Variants in BIN3 observed in about 807,000 individuals in gnomAD.
The protein encoded by BIN3 is bridging integrator 3.
Under a neutral mutation model 38.2 loss-of-function variants are expected in BIN3, and 41 were observed. That is an observed-to-expected ratio of 1.07 (90% CI 0.84 to 1.39). BIN3 has a LOEUF of 1.39. BIN3 is among the 40% of genes most tolerant of loss of function. BIN3 has a pLI of 0.00. For missense variants in BIN3, 361 were observed against 324.3 expected (o/e 1.11, Z -0.87); for synonymous variants, 145 against 122.6 (o/e 1.18, Z -1.21).
chr8:22,636,460 G>A, intron 4 of BIN3, 65 bp downstream of exon 4: 1 of 1,493,932 alleles, frequency 6.7e-7, no homozygotes, highest in Non-Finnish European at 9.1e-7. Context: ...GGGGGGCTGA[G>A]AGAGGAGGGT....
chr8:22,667,265 C>A (rs1438288313), intron 1 of BIN3, among the ~76,000 whole-genome samples: 1 of 152,120 alleles, frequency 6.6e-6, no homozygotes, highest in African/African-American at 2.4e-5. Context: ...TTCTCTCCAA[C>A]CTGACAGGAT....
rs765995916 is a variant in BIN3 at position 22,621,572 on chromosome 8, G to A, written c.616-4C>T. The A allele has an allele frequency of 1.2e-6, 2 of 1,613,374 alleles. No homozygotes were observed. Among genetic ancestry groups the A allele is most frequent in the South Asian group, 2.2e-5 (2 of 91,080 alleles). ...GCATTTCCGAGTAGTACACAACCTG[G>A]GGGAGGCGACAGGGGTTGGCACGTG... On this transcript the variant is annotated splice_region_variant and splice_polypyrimidine_tract_variant and intron_variant, in intron 8 of 8. Coordinates refer to ENST00000276416, the MANE Select transcript of BIN3 (RefSeq NM_018688.6).
At chr8:22,623,362 C>G (rs1336107240) in intron 8 of BIN3, among the ~76,000 whole-genome samples, 1 of 152,210 alleles carries the variant, frequency 6.6e-6, no homozygotes, top group Non-Finnish European at 1.5e-5. Context: ...AGTGGCGCCC[C>G]CATGCCTCCA....
intron 6 of BIN3, chr8:22,625,551 C>T (rs947238468): frequency 1.6e-6 from 1 of 623,572 alleles, no homozygotes; most frequent in South Asian, 1.8e-5. Flanking sequence ...AGCTACCACA[C>T]AGAGCAGGAC....
chr8:22,630,622 G>T (rs1364119092), intron 4 of BIN3, 44 bp from the exon 5 acceptor site: 1 of 1,608,766 alleles, frequency 6.2e-7, no homozygotes, highest in South Asian at 1.1e-5. Context: ...GAAGGGGCAG[G>T]TTTCACGGCC....
At chr8:22,668,229 T>C (rs1458328602) in intron 1 of BIN3, among the ~76,000 whole-genome samples, 2 of 152,222 alleles carry the variant, frequency 1.3e-5, no homozygotes, top group Non-Finnish European at 2.9e-5. Flanking sequence ...TTCTCTCCTG[T>C]GAACATAAAT....
chr8:22,636,641 G>T, intron 3 of BIN3, 55 bp from the exon 4 acceptor site: 1 of 1,521,294 alleles, frequency 6.6e-7, no homozygotes, highest in Non-Finnish European at 8.9e-7. Flanking sequence ...CTACCTGAGC[G>T]AAGCCCAGGT....
chr8:22,645,419 C>A (rs1322473296), intron 1 of BIN3, among the ~76,000 whole-genome samples: 1 of 152,008 alleles, frequency 6.6e-6, no homozygotes. Flanking sequence ...GAGTTTGAGG[C>A]TGCAGTGAAT....
chr8:22,634,777 AG>A (rs1802316723), intron 4 of BIN3, among the ~76,000 whole-genome samples: 1 of 151,994 alleles, frequency 6.6e-6, no homozygotes. Context: ...GTCACCTTCT[AG>A]TTTGGTGGCG....
chr8:22,641,969 G>A lies in BIN3; in HGVS notation c.57+2786C>T, dbSNP rs150921464. Among the ~76,000 whole-genome samples, 23 of 152,216 alleles carry A rather than the reference G, an allele frequency of 1.5e-4. No homozygotes were observed. The East Asian group carries it at 3.7e-3, about 24-fold the overall frequency. On this transcript the variant is annotated intron_variant, in intron 2 of 8. Transcript: ENST00000276416. ...TAGGATCGGGATCGGGGGAGCTTTT[G>A]TTCCTCCATCTCAGTTCTAATGGTC... is the stretch of plus-strand genomic sequence containing the variant.
chr8:22,630,667 C>T (rs1048930651), intron 4 of BIN3, 89 bp from the exon 5 acceptor site: 2 of 1,477,328 alleles, frequency 1.4e-6, no homozygotes, highest in African/African-American at 1.4e-5. Context: ...ATGCCAGGGG[C>T]CTGCACCCTG....
At chr8:22,663,427 C>G (rs564299807) in intron 1 of BIN3, among the ~76,000 whole-genome samples, 2 of 140,432 alleles carry the variant, frequency 1.4e-5, no homozygotes, top group Non-Finnish European at 3.0e-5. Context: ...ACAGTGAGAC[C>G]CCCCGATTTG....
At chr8:22,625,536 A>G in intron 6 of BIN3, 1 of 651,938 alleles carries the variant, frequency 1.5e-6, no homozygotes, top group Admixed American at 2.2e-5. Flanking sequence ...AGGTTCCAGG[A>G]GCTCAGCTAC....
chr8:22,658,711 C>G (rs1803137064), intron 1 of BIN3, among the ~76,000 whole-genome samples: 1 of 152,118 alleles, frequency 6.6e-6, no homozygotes, highest in Non-Finnish European at 1.5e-5. Flanking sequence ...GGAAAGAACC[C>G]TGGAGTGATT....
At chr8:22,633,801 C>G (rs1371911147) in intron 4 of BIN3, among the ~76,000 whole-genome samples, 1 of 152,130 alleles carries the variant, frequency 6.6e-6, no homozygotes, top group Non-Finnish European at 1.5e-5. Context: ...CACGGCACAG[C>G]AAGCCCGCCT....
chr8:22,632,624 T>C (rs1802242152), intron 4 of BIN3, among the ~76,000 whole-genome samples: 1 of 151,996 alleles, frequency 6.6e-6, no homozygotes, highest in Non-Finnish European at 1.5e-5. Flanking sequence ...CTGAAAAACA[T>C]CTTCTGCTAT....
intron 2 of BIN3, among the ~76,000 whole-genome samples, chr8:22,638,145 G>A (rs1023443716): frequency 1.3e-5 from 2 of 152,228 alleles, no homozygotes; most frequent in African/African-American, 4.8e-5. Context: ...CTGAGGGTCA[G>A]GGAGTACACA....
chr8:22,640,063 T>C (rs1216697590), intron 2 of BIN3, among the ~76,000 whole-genome samples: 4 of 151,696 alleles, frequency 2.6e-5, no homozygotes, highest in Non-Finnish European at 5.9e-5. Flanking sequence ...GGTTTCTCCA[T>C]GTTGGTCAGG....
chr8:22,649,850 C>CACACACAT (rs1554571390), intron 1 of BIN3, among the ~76,000 whole-genome samples: 10,524 of 120,476 alleles, frequency 0.087, 599 homozygotes, highest in Non-Finnish European at 0.12. Flanking sequence ...CACACACACA[C>CACACACAT]ACACACACCC....
Sources: allele counts gnomAD v4.1 joint callset (sites outside exome capture counted in the v4.1 genomes callset), GRCh38; gene constraint gnomAD v4.1.1; transcripts MANE v1.5; gene names NCBI Gene and HGNC (gene_info 2026-07-23, HGNC 2026-07-21).